Variants in SAMD11 observed in about 807,000 individuals in gnomAD.
SAMD11 encodes sterile alpha motif domain-containing protein 11.
In SAMD11, 77 loss-of-function variants were observed where a neutral mutation model predicts 64.4. The ratio of observed to expected loss-of-function variants is 1.20; its 90% CI spans 0.99 to 1.44. The LOEUF (loss-of-function observed/expected upper bound fraction) is 1.44, where lower values mean the gene tolerates loss of function less well. Among genes scored for constraint, SAMD11 ranks in the 40% most tolerant of loss-of-function variants. The pLI is 0.00. For missense variants in SAMD11, 1,402 were observed against 943.3 expected (o/e 1.49, Z -6.37); for synonymous variants, 658 against 421.9 (o/e 1.56, Z -6.86).
intron 8 of SAMD11, 111 bp from the exon 9 acceptor site, chr1:942,025 C>T (rs867331642): frequency 4.6e-6 from 2 of 434,954 alleles, no homozygotes; most frequent in Non-Finnish European, 8.2e-6. Context: ...ACGAGCTGCG[C>T]ATCGACCGCC....
intron 5 of SAMD11, among the ~76,000 whole-genome samples, chr1:938,117 G>T (rs924536590): frequency 1.3e-5 from 2 of 152,166 alleles, no homozygotes; most frequent in South Asian, 4.1e-4. Context: ...TGGAGTCAGG[G>T]GCTTCGGAGG....
In SAMD11 at chr1:941,217, C is replaced by G; in HGVS notation, c.1269C>G (p.Pro423=). The change falls in exon 8 of 14, where the codon CCC becomes CCG. Residue 423 remains proline, a synonymous_variant. Coordinates refer to ENST00000616016, the MANE Select transcript of SAMD11 (RefSeq NM_001385641.1). Reference sequence around the variant, plus strand: ...CCAGTGGCCTGGAAGCCCACCTGCCCTCCTCCACGGCAGGTCAGCGTCGGA... The same window carrying G: ...CCAGTGGCCTGGAAGCCCACCTGCCGTCCTCCACGGCAGGTCAGCGTCGGA... The part of the protein sequence containing the change: ...RGPSGLEAHL[P]SSTAGQRRKQ... The G allele has an allele frequency of 1.8e-5, 29 of 1,601,876 alleles. No homozygotes were observed. Among genetic ancestry groups the G allele is most frequent in the Non-Finnish European group, 2.4e-5 (28 of 1,174,938 alleles).
In SAMD11 at chr1:931,351, G is replaced by C. The variant is rs116437026; in HGVS notation, c.842+262G>C. Among the ~76,000 whole-genome samples, 1,498 of 152,286 alleles carry C rather than the reference G, an allele frequency of 9.8e-3. 31 individuals carry two copies. Among genetic ancestry groups the C allele is most frequent in the African/African-American group, 0.035 (1,445 of 41,524 alleles). On this transcript the variant is annotated intron_variant, in intron 4 of 13. Coordinates refer to ENST00000616016, the MANE Select transcript of SAMD11 (RefSeq NM_001385641.1). ...CGGCAGCAGCTCAGGTGTGAGTTCT[G>C]GGCAGCCCGGCCCTGGAGTTAGAGT...
rs746798748 is a variant in SAMD11, at chr1:939,459, C to T, written c.1195+47C>T. On this transcript the variant is annotated intron_variant, in intron 7 of 13. Transcript: ENST00000616016. ...ATCCCCCTCATCACCTCCCCAGCCA[C>T]GGTGAGGACCCACCCTGGCATGATC... The T allele has an allele frequency of 1.1e-5, 18 of 1,600,072 alleles. 1 individual carries two copies. Among genetic ancestry groups the T allele is most frequent in the South Asian group, 4.4e-5 (4 of 90,296 alleles).
chr1:927,757 G>A (rs1485306957), intron 2 of SAMD11, among the ~76,000 whole-genome samples: 1 of 152,254 alleles, frequency 6.6e-6, no homozygotes, highest in Non-Finnish European at 1.5e-5. Flanking sequence ...GTCAGGGGCC[G>A]AGTTTTCAGA....
intron 12 of SAMD11, 122 bp downstream of exon 12, chr1:943,499 C>T (rs1431071093): frequency 7.9e-6 from 8 of 1,008,540 alleles, no homozygotes; most frequent in Middle Eastern, 6.5e-4. Flanking sequence ...AAGCAGTGCG[C>T]AGCAGGGACT....
At chr1:933,791 G>C (rs915673953) in intron 4 of SAMD11, among the ~76,000 whole-genome samples, 6 of 152,050 alleles carry the variant, frequency 3.9e-5, no homozygotes, top group Admixed American at 2.0e-4. Context: ...GGGGAGAGCC[G>C]TCATCTAGGT....
At chr1:927,757 G>C (rs1485306957) in intron 2 of SAMD11, among the ~76,000 whole-genome samples, 3 of 152,254 alleles carry the variant, frequency 2.0e-5, no homozygotes, top group African/African-American at 7.2e-5. Flanking sequence ...GTCAGGGGCC[G>C]AGTTTTCAGA....
At chr1:931,430 C>A (rs1431252094) in intron 4 of SAMD11, among the ~76,000 whole-genome samples, 1 of 152,184 alleles carries the variant, frequency 6.6e-6, no homozygotes, top group Non-Finnish European at 1.5e-5. Context: ...AGGCTGTCAC[C>A]TCCCCCTTCC....
rs1569901600 is a variant in SAMD11, at chr1:939,409, C to T, written c.1192C>T (p.His398Tyr). 6.9e-7 allele frequency: 1 copy of T among 1,442,118 alleles called. No homozygotes were observed. 89.3% of individuals were successfully genotyped at this position (1,442,118 alleles called of 1,614,324 possible). ...QRLYHLGLPSHDLLRVRQEVA... is the reference protein window; with the variant it reads ...QRLYHLGLPSYDLLRVRQEVA... The stretch of plus-strand genomic sequence containing the variant: ...CCTCTACCACCTGGGCCTCCCCAGC[C>T]ACGGTGAGGACCCACCCTGGCATGA... Residue 398 changes from histidine to tyrosine, a missense_variant, in exon 7 of 14, where the codon CAC (histidine) becomes TAC (tyrosine). By Grantham distance (83) the His-to-Tyr change is moderately conservative. Coordinates refer to ENST00000616016, the MANE Select transcript of SAMD11 (RefSeq NM_001385641.1).
Position 925,995 on chromosome 1 carries a change from C to T in SAMD11, c.591C>T (p.Cys197=). 1 of 1,611,882 alleles carries T rather than the reference C, an allele frequency of 6.2e-7. No homozygotes were observed. Among genetic ancestry groups the T allele is most frequent in the Non-Finnish European group, 8.5e-7 (1 of 1,179,912 alleles). The change falls in exon 2 of 14, where the codon TGC becomes TGT. Residue 197 remains cysteine, a synonymous_variant. Transcript: ENST00000616016. ...VHPPICDCPG[C]RISSPVNRGR... ...CTCCGATCTGCGACTGCCCGGGCTGCCGAATATCCTCCCCGGTGGTGAGAT... is the reference window on the plus strand; with the variant it reads ...CTCCGATCTGCGACTGCCCGGGCTGTCGAATATCCTCCCCGGTGGTGAGAT...
In SAMD11 at chr1:944,161, G is replaced by T. The variant is rs200636829; in HGVS notation, c.*8G>T. ...TCCCAGCCTCTGTGTTGAGGTTGCCGGGGGTAGGGGTGGGGCCACACAAAT... is the reference window on the plus strand; with the variant it reads ...TCCCAGCCTCTGTGTTGAGGTTGCCTGGGGTAGGGGTGGGGCCACACAAAT... On this transcript the variant is annotated 3_prime_UTR_variant, in exon 14 of 14. Transcript: ENST00000616016. 2 of 1,535,214 alleles carry T rather than the reference G, an allele frequency of 1.3e-6. No individual in the cohort carries two copies. The highest frequency in any genetic ancestry group is 1.3e-5 in the South Asian group (1 of 78,198).
At chr1:933,488 C>T (rs1427620280) in intron 4 of SAMD11, among the ~76,000 whole-genome samples, 1 of 152,166 alleles carries the variant, frequency 6.6e-6, no homozygotes, top group African/African-American at 2.4e-5. Context: ...CTGCCAGCCC[C>T]CAACCTCTGG....
chr1:942,100 C>A (rs1464077238), intron 8 of SAMD11, 36 bp from the exon 9 acceptor site: 2 of 606,002 alleles, frequency 3.3e-6, no homozygotes, highest in African/African-American at 2.0e-5. Context: ...GGAACGGGGG[C>A]GGGGGGGACG....
Position 935,871 on chromosome 1 carries a change from C to G in SAMD11, c.942C>G (p.Ser314Arg), listed in dbSNP as rs1379644844. 2.7e-5 allele frequency: 43 copies of G among 1,612,818 alleles called. No homozygotes were observed. The highest frequency in any genetic ancestry group is 3.6e-5 in the Non-Finnish European group (43 of 1,179,804). ...GCCGCTGTGAATTCCAGAGAGGCAG[C>G]CTGGAGATTGGCCTGCGACCCGCCG... ...HQSRCEFQRG[S>R]LEIGLRPAGD... is the part of the protein sequence containing the mutation. The change falls in exon 5 of 14, where the codon AGC becomes AGG. Residue 314 changes from serine (S) to arginine (R), a missense_variant. By Grantham distance (110) the Ser-to-Arg change is moderately radical (BLOSUM62 -1). Coordinates refer to ENST00000616016, the MANE Select transcript of SAMD11 (RefSeq NM_001385641.1).
rs550134676 is a variant in SAMD11, at chr1:936,351, C to G, written c.967+455C>G. Among the ~76,000 whole-genome samples the G allele has an allele frequency of 1.5e-5, 2 of 136,706 alleles. 1 individual carries two copies. Among genetic ancestry groups the G allele is most frequent in the South Asian group, 4.5e-4 (2 of 4,402 alleles). 89.7% of individuals were successfully genotyped at this position (136,706 alleles called of 152,430 possible). A position where few individuals can be genotyped will look rare whatever the true frequency, so the allele number is the denominator to read the frequency against. On this transcript the variant is annotated intron_variant, in intron 5 of 13. Transcript: ENST00000616016. ...AGGGCTCCTGGACGGAAGGGGTCCC[C>G]GGTCCCGCCTCCTAGGGCTCCTGGA...
intron 4 of SAMD11, among the ~76,000 whole-genome samples, chr1:932,568 G>A (rs547241884): frequency 1.3e-5 from 2 of 152,172 alleles, no homozygotes; most frequent in Admixed American, 6.5e-5. Context: ...CGGTCAGAGC[G>A]GGTGGTGGTC....
In SAMD11 at chr1:944,197, C is replaced by A; in HGVS notation, c.*44C>A. 6.7e-7 allele frequency: 1 copy of A among 1,498,268 alleles called. No homozygotes were observed. The highest frequency in any genetic ancestry group is 8.9e-7 in the Non-Finnish European group (1 of 1,124,380). The allele number at this position is 1,498,268 out of a possible 1,614,324, so 92.8% of individuals were successfully genotyped here. A position where few individuals can be genotyped will look rare whatever the true frequency, so the allele number is the denominator to read the frequency against. On this transcript the variant is annotated 3_prime_UTR_variant, in exon 14 of 14. Transcript: ENST00000616016. The stretch of plus-strand genomic sequence containing the variant: ...TGGGGCCACACAAATCTCCAGGAGC[C>A]ACCACTCAACACAATGGCCCTGCCT...
chr1:930,071 G>C (rs981273314), intron 2 of SAMD11, 84 bp from the exon 3 acceptor site: 2 of 1,445,646 alleles, frequency 1.4e-6, no homozygotes, highest in East Asian at 2.6e-5. Context: ...GAGATGGAAC[G>C]GCCCGGTCCA....
Sources: gnomAD v4.1 joint callset for allele counts (sites outside exome capture counted in the v4.1 genomes callset) on GRCh38, gnomAD v4.1.1 for gene constraint, MANE v1.5 for transcripts, NCBI Gene and HGNC (gene_info 2026-07-23, HGNC 2026-07-21) for gene names.